The following DCUN1D4 variants were observed in gnomAD, a reference collection of about 807,000 sequenced individuals.
DCUN1D4 encodes the protein DCN1-like protein 4.
In DCUN1D4, 22 loss-of-function variants were observed where a neutral mutation model predicts 47.9. The ratio of observed to expected loss-of-function variants is 0.46; its 90% CI spans 0.33 to 0.66. DCUN1D4 has a LOEUF of 0.66. Among genes scored for constraint, DCUN1D4 ranks in the 30% least tolerant of loss-of-function variants. The pLI is 0.02. For missense variants in DCUN1D4, 301 were observed against 340.8 expected (o/e 0.88, Z 0.92); for synonymous variants, 121 against 112.2 (o/e 1.08, Z -0.50).
At chr4:51,849,554 C>G (rs1365158656) in intron 1 of DCUN1D4, among the ~76,000 whole-genome samples, 1 of 152,084 alleles carries the variant, frequency 6.6e-6, no homozygotes, top group Non-Finnish European at 1.5e-5. Context: ...TCTTTTTCAT[C>G]CTGGCTGCCT....
intron 1 of DCUN1D4, among the ~76,000 whole-genome samples, chr4:51,853,106 T>C (rs1295460525): frequency 6.6e-6 from 1 of 152,170 alleles, no homozygotes; most frequent in Non-Finnish European, 1.5e-5. Flanking sequence ...TGTCCTGAAG[T>C]GACTGAGTCC....
At chr4:51,886,471 C>A in intron 5 of DCUN1D4, 97 bp from the exon 6 acceptor site, 2 of 1,030,100 alleles carry the variant, frequency 1.9e-6, no homozygotes, top group South Asian at 2.1e-5. Flanking sequence ...GAGTTAATGG[C>A]CTTTAAGTCT....
chr4:51,902,494 G>T (rs1194371538), intron 8 of DCUN1D4, among the ~76,000 whole-genome samples: 1 of 152,290 alleles, frequency 6.6e-6, no homozygotes. Context: ...ATTATGTAAT[G>T]TCTCTCTTTA....
In DCUN1D4 at chr4:51,879,361, C is replaced by T. The variant is rs185770305; in HGVS notation, c.343+1507C>T. Among the ~76,000 whole-genome samples, 924 of 152,312 alleles carry T rather than the reference C, an allele frequency of 6.1e-3. 7 individuals are homozygous for T. The highest frequency in any genetic ancestry group is 0.021 in the African/African-American group (865 of 41,574). ...GTGGCTCACGTCTGAAATCCCAGCA[C>T]TTTGGGAGGCCAGGGCAGGAGGATT... On this transcript the variant is annotated intron_variant, in intron 5 of 10. Coordinates refer to ENST00000334635, the MANE Select transcript of DCUN1D4 (RefSeq NM_001040402.3).
At chr4:51,874,820 C>T (rs1727430618) in intron 4 of DCUN1D4, 1 of 153,570 alleles carries the variant, frequency 6.5e-6, no homozygotes, top group Admixed American at 6.5e-5. Context: ...TTTATTCTCA[C>T]ATGGGTGAGA....
At chr4:51,911,383 T>G (rs1733696551) in intron 9 of DCUN1D4, among the ~76,000 whole-genome samples, 1 of 152,178 alleles carries the variant, frequency 6.6e-6, no homozygotes, top group Non-Finnish European at 1.5e-5. Flanking sequence ...CATTCCACAT[T>G]AAAAATGCAT....
At chr4:51,833,960 G>A in the DCUN1D4 span, among the ~76,000 whole-genome samples, 1 of 151,578 alleles carries the variant, frequency 6.6e-6, no homozygotes, top group Non-Finnish European at 1.5e-5. Flanking sequence ...AGAGTAGAAG[G>A]GGGGAGATTT....
chr4:51,874,393 G>A lies in DCUN1D4; in HGVS notation c.251+8G>A, dbSNP rs1284180625. 1 of 1,575,160 alleles carries A rather than the reference G, an allele frequency of 6.3e-7. No homozygotes were observed. The highest frequency in any genetic ancestry group is 1.1e-5 in the South Asian group (1 of 89,332). ...GAAAAGTAGACATGATAGGTATGATGTAGAGACAGTAGATCAGAATCAGTG... is the reference window on the plus strand; with the variant it reads ...GAAAAGTAGACATGATAGGTATGATATAGAGACAGTAGATCAGAATCAGTG... On this transcript the variant is annotated splice_region_variant and intron_variant, in intron 4 of 10. Coordinates refer to ENST00000334635, the MANE Select transcript of DCUN1D4 (RefSeq NM_001040402.3).
chr4:51,834,082 CTCTCT>C, the DCUN1D4 span, among the ~76,000 whole-genome samples: 2 of 57,276 alleles, frequency 3.5e-5, no homozygotes, highest in African/African-American at 1.4e-4. Flanking sequence ...CTCTCTCTCT[CTCTCT>C]TTTCTTTTCT....
intron 7 of DCUN1D4, among the ~76,000 whole-genome samples, chr4:51,896,090 C>T (rs980463525): frequency 1.3e-5 from 2 of 152,180 alleles, no homozygotes; most frequent in African/African-American, 4.8e-5. Flanking sequence ...CCCTTTAAAG[C>T]AGATTAAACT....
chr4:51,838,082 G>A (rs1721542497), upstream of DCUN1D4, among the ~76,000 whole-genome samples: 1 of 152,134 alleles, frequency 6.6e-6, no homozygotes, highest in Non-Finnish European at 1.5e-5. Context: ...TGAGCCACAA[G>A]AATCACTTGA....
chr4:51,837,276 G>A, the DCUN1D4 span, among the ~76,000 whole-genome samples: 5 of 152,156 alleles, frequency 3.3e-5, no homozygotes, highest in Admixed American at 3.3e-4. Flanking sequence ...AAAAGGTCCT[G>A]AGTAAAAAGG....
chr4:51,886,012 A>G (rs1265881121), intron 5 of DCUN1D4, among the ~76,000 whole-genome samples: 4 of 152,206 alleles, frequency 2.6e-5, no homozygotes, highest in Admixed American at 6.5e-5. Flanking sequence ...CCAAATTCCA[A>G]TGGTTACAAA....
chr4:51,913,190 C>T, intron 9 of DCUN1D4, 100 bp from the exon 10 acceptor site: 1 of 709,268 alleles, frequency 1.4e-6, no homozygotes, highest in Non-Finnish European at 2.3e-6. Context: ...AAAGAGTTAA[C>T]CTTACATGAA....
chr4:51,906,529 A>G (rs1379762353), intron 8 of DCUN1D4, among the ~76,000 whole-genome samples: 2 of 151,820 alleles, frequency 1.3e-5, no homozygotes, highest in Admixed American at 1.3e-4. Flanking sequence ...TCTCCACACA[A>G]CCCACCCCCA....
At chr4:51,844,806 C>A (rs1037671834) in intron 1 of DCUN1D4, 19 of 984,882 alleles carry the variant, frequency 1.9e-5, no homozygotes, top group Non-Finnish European at 2.0e-5. Context: ...CGCGCCCGGC[C>A]GCGGTTGGGT....
chr4:51,834,212 A>G, the DCUN1D4 span, among the ~76,000 whole-genome samples: 1 of 149,290 alleles, frequency 6.7e-6, no homozygotes, highest in Non-Finnish European at 1.5e-5. Flanking sequence ...ATCATCCACA[A>G]GGATCTGAGG....
At chr4:51,900,590 A>G (rs943614355) in intron 8 of DCUN1D4, among the ~76,000 whole-genome samples, 10 of 152,156 alleles carry the variant, frequency 6.6e-5, no homozygotes, top group African/African-American at 2.4e-4. Context: ...AAATTTAAAA[A>G]TTAGCCAGAT....
At chr4:51,899,852 T>C (rs1731833551) in intron 8 of DCUN1D4, among the ~76,000 whole-genome samples, 1 of 152,222 alleles carries the variant, frequency 6.6e-6, no homozygotes, top group Non-Finnish European at 1.5e-5. Context: ...CTTAAATGTA[T>C]TTTTCTAATC....
Sources: allele counts gnomAD v4.1 joint callset (sites outside exome capture counted in the v4.1 genomes callset), GRCh38; gene constraint gnomAD v4.1.1; transcripts MANE v1.5; gene names NCBI Gene and HGNC (gene_info 2026-07-23, HGNC 2026-07-21).